The following MAP2 variants were observed in gnomAD, a reference collection of about 807,000 sequenced individuals.
MAP2 encodes the protein microtubule-associated protein 2.
In MAP2, 14 loss-of-function variants were observed where a neutral mutation model predicts 137.6. The observed-to-expected ratio is 0.10, with a 90% CI of 0.07 to 0.16. The LOEUF (loss-of-function observed/expected upper bound fraction) is 0.16, where lower values mean the gene tolerates loss of function less well. Ranked by LOEUF, MAP2 falls within the 10% of genes least tolerant of loss-of-function variation. The pLI is 1.00. For missense variants in MAP2, 2,088 were observed against 2,191.5 expected (o/e 0.95, Z 0.94); for synonymous variants, 786 against 782.3 (o/e 1.00, Z -0.08).
chr2:209,452,696 A>C (rs773957182), intron 1 of MAP2, among the ~76,000 whole-genome samples: 5 of 152,168 alleles, frequency 3.3e-5, no homozygotes, highest in African/African-American at 4.8e-5. Flanking sequence ...TATCTCTTAT[A>C]ATGCTTCTCT....
chr2:209,515,550 G>C (rs1319388150), intron 2 of MAP2, among the ~76,000 whole-genome samples: 1 of 152,036 alleles, frequency 6.6e-6, no homozygotes, highest in East Asian at 1.9e-4. Flanking sequence ...AAAACCATCA[G>C]CTCTTATGAG....
intron 4 of MAP2, among the ~76,000 whole-genome samples, chr2:209,650,705 A>G (rs956083469): frequency 1.3e-5 from 2 of 152,232 alleles, no homozygotes; most frequent in Non-Finnish European, 2.9e-5. Flanking sequence ...TAAATGTACC[A>G]TACTGATGCA....
Position 209,634,463 on chromosome 2 carries a change from A to C in MAP2, c.-30+9334A>C, listed in dbSNP as rs562070218. The stretch of plus-strand genomic sequence containing the variant: ...CTTCCATGTGTGGCTTTGCTTTGTC[A>C]TTTTCTTCATCCAGCGAGTGGAAGG... On this transcript the variant is annotated intron_variant, in intron 4 of 15. Transcript: ENST00000682079. 1.2e-4 allele frequency among the ~76,000 whole-genome samples: 19 copies of C among 152,078 alleles called. No individual in the cohort carries two copies. The South Asian group carries it at 3.9e-3, about 32-fold the overall frequency.
intron 5 of MAP2, among the ~76,000 whole-genome samples, chr2:209,654,986 CA>C (rs896539194): frequency 6.6e-6 from 1 of 150,988 alleles, no homozygotes. Flanking sequence ...TTGTAATACA[CA>C]AAAAAAAATC....
At chr2:209,593,417 T>C (rs1173906999) in intron 3 of MAP2, among the ~76,000 whole-genome samples, 1 of 149,768 alleles carries the variant, frequency 6.7e-6, no homozygotes, top group Non-Finnish European at 1.5e-5. Flanking sequence ...CCTTTGCAGT[T>C]GTGTAGCTGT....
At chr2:209,480,743 G>A (rs759739372) in intron 1 of MAP2, among the ~76,000 whole-genome samples, 2 of 152,124 alleles carry the variant, frequency 1.3e-5, no homozygotes, top group Non-Finnish European at 2.9e-5. Context: ...GAGTTTAGAC[G>A]AAAATATTAA....
chr2:209,545,305 C>A (rs571897249), intron 2 of MAP2, among the ~76,000 whole-genome samples: 1 of 152,316 alleles, frequency 6.6e-6, no homozygotes, highest in South Asian at 2.1e-4. Context: ...TGAAATCCAT[C>A]TGTGGGAAAG....
chr2:209,499,749 G>A (rs1055927452), intron 1 of MAP2, among the ~76,000 whole-genome samples: 1 of 152,152 alleles, frequency 6.6e-6, no homozygotes, highest in African/African-American at 2.4e-5. Flanking sequence ...GAAAGCAGGA[G>A]CAAGCCAGAA....
rs775805582 is a variant in MAP2 at position 209,710,117 on chromosome 2, A to G, written c.4936A>G (p.Ile1646Val). The change falls in exon 13 of 16, where the codon ATC becomes GTC. Residue 1646 changes from isoleucine (I) to valine (V), a missense_variant. Coordinates refer to ENST00000682079, the MANE Select transcript of MAP2 (RefSeq NM_001375505.1). The part of the protein sequence containing the change: ...ILVPSEKKVA[I>V]IRTPPKSPAT... ...GGTGCCGAGTGAGAAGAAGGTCGCCATCATACGTACTCCTCCAAAATCTCC... is the reference window on the plus strand; with the variant it reads ...GGTGCCGAGTGAGAAGAAGGTCGCCGTCATACGTACTCCTCCAAAATCTCC... 2.9e-5 allele frequency: 46 copies of G among 1,613,920 alleles called. No homozygotes were observed. Among genetic ancestry groups the G allele is most frequent in the Non-Finnish European group, 3.6e-5 (42 of 1,180,018 alleles).
chr2:209,484,654 C>T (rs2058149463), intron 1 of MAP2, among the ~76,000 whole-genome samples: 1 of 152,172 alleles, frequency 6.6e-6, no homozygotes. Context: ...TGCACCACTG[C>T]AGTCTAACGT....
chr2:209,505,082 A>G (rs1324550306), intron 1 of MAP2, among the ~76,000 whole-genome samples: 1 of 151,546 alleles, frequency 6.6e-6, no homozygotes, highest in Non-Finnish European at 1.5e-5. Flanking sequence ...TTTATTTTAA[A>G]TTTCTCATAC....
chr2:209,560,442 T>A (rs2071759191), intron 2 of MAP2, among the ~76,000 whole-genome samples: 1 of 152,044 alleles, frequency 6.6e-6, no homozygotes, highest in Admixed American at 6.6e-5. Context: ...AGTACCTATG[T>A]CACATTTAAG....
chr2:209,610,236 G>T (rs1228645026), intron 3 of MAP2, among the ~76,000 whole-genome samples: 1 of 152,028 alleles, frequency 6.6e-6, no homozygotes, highest in African/African-American at 2.4e-5. Context: ...ATAGGAGCAT[G>T]GCTTATAGGA....
chr2:209,448,592 A>G (rs914438601), intron 1 of MAP2, among the ~76,000 whole-genome samples: 13 of 152,288 alleles, frequency 8.5e-5, no homozygotes, highest in African/African-American at 2.6e-4. Flanking sequence ...TGGTCCCTAT[A>G]GAGGTTCCAG....
At chr2:209,615,354 C>G (rs550724270) in intron 3 of MAP2, among the ~76,000 whole-genome samples, 5 of 152,244 alleles carry the variant, frequency 3.3e-5, no homozygotes, top group Non-Finnish European at 5.9e-5. Context: ...GTCTTAAGAA[C>G]CTTACAAAAG....
At chr2:209,571,753 T>C (rs972852735) in intron 2 of MAP2, among the ~76,000 whole-genome samples, 1 of 152,058 alleles carries the variant, frequency 6.6e-6, no homozygotes, top group Non-Finnish European at 1.5e-5. Flanking sequence ...ACTTTGAGTA[T>C]AGTTATTTCA....
At chr2:209,638,900 A>C (rs1030773439) in intron 4 of MAP2, among the ~76,000 whole-genome samples, 1 of 152,210 alleles carries the variant, frequency 6.6e-6, no homozygotes, top group African/African-American at 2.4e-5. Context: ...TCATTGAATA[A>C]GATACTAGAA....
chr2:209,723,308 A>G (rs961819479), intron 13 of MAP2, among the ~76,000 whole-genome samples: 1 of 152,232 alleles, frequency 6.6e-6, no homozygotes, highest in African/African-American at 2.4e-5. Context: ...TCCCCATCAC[A>G]GATGACTCAA....
chr2:209,661,952 C>T (rs2043839610), intron 5 of MAP2, among the ~76,000 whole-genome samples: 1 of 152,146 alleles, frequency 6.6e-6, no homozygotes, highest in Admixed American at 6.5e-5. Context: ...AGTTTTGTTT[C>T]ATTGTACAGC....
Sources: allele counts gnomAD v4.1 joint callset (sites outside exome capture counted in the v4.1 genomes callset), GRCh38; gene constraint gnomAD v4.1.1; transcripts MANE v1.5; gene names NCBI Gene and HGNC (gene_info 2026-07-23, HGNC 2026-07-21).